The following SYN3 variants were observed in gnomAD, a reference collection of about 807,000 sequenced individuals.
SYN3 encodes synapsin III, also known as synapsin-3.
SYN3 carries 35 observed loss-of-function variants against 65.8 expected under a neutral mutation model. That is an observed-to-expected ratio of 0.53 (90% CI 0.41 to 0.70). The LOEUF (loss-of-function observed/expected upper bound fraction) is 0.70. Ranked by LOEUF, SYN3 falls within the 30% of genes least tolerant of loss-of-function variation. The pLI is 0.00. For missense variants in SYN3, 680 were observed against 749.0 expected, an observed-to-expected ratio of 0.91 and a Z score of 1.08; for synonymous variants, 270 against 292.9, an observed-to-expected ratio of 0.92 and a Z score of 0.80.
At chr22:32,650,742 C>G (rs2060057942) in intron 6 of SYN3, among the ~76,000 whole-genome samples, 1 of 152,146 alleles carries the variant, frequency 6.6e-6, no homozygotes, top group Non-Finnish European at 1.5e-5. Context: ...AGAGTATGCT[C>G]TGACTCACTA....
intron 6 of SYN3, among the ~76,000 whole-genome samples, chr22:32,607,821 G>A (rs1052686460): frequency 2.0e-5 from 3 of 152,190 alleles, no homozygotes; most frequent in Non-Finnish European, 1.5e-5. Flanking sequence ...TCTCCCATGA[G>A]GATCCTCCTG....
intron 6 of SYN3, among the ~76,000 whole-genome samples, chr22:32,846,254 C>A (rs983686016): frequency 6.6e-6 from 1 of 152,156 alleles, no homozygotes; most frequent in South Asian, 2.1e-4. Flanking sequence ...CACTCCTGAT[C>A]CCAAAATACC....
chr22:32,808,373 A>T (rs2046822085), intron 6 of SYN3, among the ~76,000 whole-genome samples: 1 of 152,176 alleles, frequency 6.6e-6, no homozygotes. Flanking sequence ...GGGTGAGAGC[A>T]GTGGGATGGT....
chr22:32,957,568 G>A (rs1037644930), intron 3 of SYN3, among the ~76,000 whole-genome samples: 7 of 152,242 alleles, frequency 4.6e-5, no homozygotes, highest in Admixed American at 3.3e-4. Context: ...TCTCCCCACC[G>A]GCACAGCTTA....
In SYN3 at chr22:32,575,160, C is replaced by A. The variant is rs2058834058; in HGVS notation, c.774+21514G>T. ...TCTTTTCTTTTTTCATTCAGAACAG[C>A]TCCACTAGGATCTGTTTAATATACT... On this transcript the variant is annotated intron_variant, in intron 7 of 13. Coordinates refer to ENST00000358763, the MANE Select transcript of SYN3 (RefSeq NM_003490.4). Among the ~76,000 whole-genome samples, 4 of 152,220 alleles carry A rather than the reference C, an allele frequency of 2.6e-5. No individual in the cohort carries two copies. The South Asian group carries it at 8.3e-4, about 31-fold the overall frequency.
chr22:32,964,173 C>T (rs575161479), intron 3 of SYN3, among the ~76,000 whole-genome samples: 7 of 151,032 alleles, frequency 4.6e-5, no homozygotes, highest in Non-Finnish European at 7.4e-5. Context: ...TAAGAACTAT[C>T]GCAAGGACAA....
chr22:32,763,533 C>G (rs2045543911), intron 6 of SYN3, among the ~76,000 whole-genome samples: 1 of 152,148 alleles, frequency 6.6e-6, no homozygotes, highest in Non-Finnish European at 1.5e-5. Flanking sequence ...TTCAAGGCAA[C>G]CCTACACTGT....
At chr22:32,695,799 G>A (rs1286450799) in intron 6 of SYN3, among the ~76,000 whole-genome samples, 2 of 151,868 alleles carry the variant, frequency 1.3e-5, no homozygotes, top group Non-Finnish European at 2.9e-5. Flanking sequence ...GTCACTACAG[G>A]GAACTTTACT....
At chr22:33,015,449 C>A in intron 1 of SYN3, 1 of 264,780 alleles carries the variant, frequency 3.8e-6, no homozygotes, top group South Asian at 5.4e-5. Context: ...ATTCAGATAT[C>A]AACAAAAACT....
intron 6 of SYN3, among the ~76,000 whole-genome samples, chr22:32,726,940 C>T (rs2061202817): frequency 6.6e-6 from 1 of 151,870 alleles, no homozygotes; most frequent in African/African-American, 2.4e-5. Context: ...TGTCTAGAAC[C>T]CTCCAATGCT....
Position 32,827,935 on chromosome 22 carries a change from G to A in SYN3, c.711+36980C>T, listed in dbSNP as rs935982311. Among the ~76,000 whole-genome samples, 13 of 152,244 alleles carry A rather than the reference G, an allele frequency of 8.5e-5. No individual in the cohort carries two copies. In the East Asian group the frequency reaches 1.5e-3, roughly 18 times the overall value. On this transcript the variant is annotated intron_variant, in intron 6 of 13. Transcript: ENST00000358763. ...AGGTCTCAACTCAAATGTCACCTTC[G>A]TAGAGAGGCCTTCCTTGCCTCCCTT...
intron 7 of SYN3, among the ~76,000 whole-genome samples, chr22:32,556,757 AT>A (rs2058502584): frequency 7.1e-6 from 1 of 139,880 alleles, no homozygotes; most frequent in African/African-American, 2.8e-5. Context: ...GTATATCCAT[AT>A]ACCCAATGAC....
At chr22:33,036,728 G>T (rs1051697032) in intron 1 of SYN3, among the ~76,000 whole-genome samples, 3 of 113,800 alleles carry the variant, frequency 2.6e-5, no homozygotes, top group Admixed American at 1.2e-4. Flanking sequence ...TTGCGCTCTT[G>T]TTGCCCAGGC....
intron 4 of SYN3, among the ~76,000 whole-genome samples, chr22:32,918,427 T>C (rs913014229): frequency 1.8e-4 from 27 of 152,316 alleles, no homozygotes; most frequent in Admixed American, 1.2e-3. Flanking sequence ...TATGGGAATA[T>C]AGTGGGAACA....
chr22:32,574,405 G>A (rs12628698), intron 7 of SYN3, among the ~76,000 whole-genome samples: 1 of 152,118 alleles, frequency 6.6e-6, no homozygotes, highest in Non-Finnish European at 1.5e-5. Context: ...CTTGAGCCTA[G>A]GAGTTTGAGG....
intron 6 of SYN3, among the ~76,000 whole-genome samples, chr22:32,667,217 T>C (rs1047824701): frequency 6.6e-6 from 1 of 151,806 alleles, no homozygotes; most frequent in Admixed American, 6.6e-5. Context: ...TCCCTTTCTT[T>C]CTTCTCCATT....
At chr22:32,756,259 T>C (rs943452076) in intron 6 of SYN3, among the ~76,000 whole-genome samples, 2 of 151,068 alleles carry the variant, frequency 1.3e-5, no homozygotes, top group African/African-American at 4.9e-5. Context: ...AACTGTAACA[T>C]AAAGCAAAAA....
intron 6 of SYN3, among the ~76,000 whole-genome samples, chr22:32,615,549 G>T (rs910028698): frequency 1.3e-5 from 2 of 152,026 alleles, no homozygotes; most frequent in African/African-American, 4.8e-5. Flanking sequence ...GCTCCATCCA[G>T]CTCTGCCACA....
chr22:32,929,802 T>C (rs1354627435), intron 4 of SYN3, among the ~76,000 whole-genome samples: 1 of 152,154 alleles, frequency 6.6e-6, no homozygotes, highest in Non-Finnish European at 1.5e-5. Context: ...CTGTCTCCCT[T>C]GCCTCCACTA....
Sources: gnomAD v4.1 joint callset for allele counts (sites outside exome capture counted in the v4.1 genomes callset) on GRCh38, gnomAD v4.1.1 for gene constraint, MANE v1.5 for transcripts, NCBI Gene and HGNC (gene_info 2026-07-23, HGNC 2026-07-21) for gene names.